CDH12: variants seen among roughly 807,000 people sequenced by gnomAD.
The protein encoded by CDH12 is cadherin-12.
Under a neutral mutation model 74.1 loss-of-function variants are expected in CDH12, and 41 were observed. The ratio of observed to expected loss-of-function variants is 0.55; its 90% CI spans 0.43 to 0.72. The LOEUF (loss-of-function observed/expected upper bound fraction) is 0.72, where lower values mean the gene tolerates loss of function less well. CDH12 is among the 30% of genes least tolerant of loss of function. The pLI is 0.00. For synonymous variants in CDH12, 399 were observed against 355.0 expected, an observed-to-expected ratio of 1.12 and a Z score of -1.39; for missense variants, 945 against 977.2, an observed-to-expected ratio of 0.97 and a Z score of 0.44.
intron 2 of CDH12, among the ~76,000 whole-genome samples, chr5:22,487,360 A>G (rs1016019219): frequency 2.0e-5 from 3 of 152,194 alleles, no homozygotes; most frequent in African/African-American, 7.2e-5. Context: ...ATTAGAGTAT[A>G]TAGTGGACAA....
intron 1 of CDH12, among the ~76,000 whole-genome samples, chr5:22,616,892 T>TC (rs1737717928): frequency 1.3e-5 from 2 of 151,576 alleles, no homozygotes; most frequent in South Asian, 4.2e-4. Flanking sequence ...TACCATGGGG[T>TC]CCCCCTCTGC....
chr5:21,772,682 T>G (rs1360205411), intron 11 of CDH12, among the ~76,000 whole-genome samples: 1 of 152,172 alleles, frequency 6.6e-6, no homozygotes, highest in East Asian at 1.9e-4. Context: ...TGATTCAATA[T>G]GATATAGTAT....
intron 1 of CDH12, among the ~76,000 whole-genome samples, chr5:22,714,272 C>G (rs888089838): frequency 2.0e-5 from 3 of 152,072 alleles, no homozygotes. Flanking sequence ...TGAACTTAAC[C>G]TTTTTTCATA....
At chr5:22,207,195 G>T (rs1230917161) in intron 4 of CDH12, among the ~76,000 whole-genome samples, 2 of 146,354 alleles carry the variant, frequency 1.4e-5, no homozygotes, top group African/African-American at 5.1e-5. Context: ...CTCCAGCCTG[G>T]GCGACAGAGC....
chr5:22,136,749 T>C (rs1746487138), intron 4 of CDH12, among the ~76,000 whole-genome samples: 1 of 150,502 alleles, frequency 6.6e-6, no homozygotes, highest in African/African-American at 2.5e-5. Flanking sequence ...CGACTTTACC[T>C]GAGTATTGTA....
At chr5:22,029,773 A>G (rs1738680085) in intron 5 of CDH12, among the ~76,000 whole-genome samples, 1 of 151,890 alleles carries the variant, frequency 6.6e-6, no homozygotes, top group African/African-American at 2.4e-5. Flanking sequence ...GTATATACCC[A>G]AAGGACTATA....
chr5:22,715,259 T>C (rs1287463956), intron 1 of CDH12, among the ~76,000 whole-genome samples: 1 of 152,232 alleles, frequency 6.6e-6, no homozygotes, highest in East Asian at 1.9e-4. Flanking sequence ...AATTTGACTA[T>C]ATTACCTCAG....
At chr5:22,652,074 A>C (rs1419188506) in intron 1 of CDH12, among the ~76,000 whole-genome samples, 1 of 152,178 alleles carries the variant, frequency 6.6e-6, no homozygotes, top group Non-Finnish European at 1.5e-5. Context: ...GAATTCATAC[A>C]TATAGTAACC....
intron 2 of CDH12, among the ~76,000 whole-genome samples, chr5:22,458,762 G>T (rs2010548): frequency 0.23 from 35,415 of 151,952 alleles, 5,220 homozygotes; most frequent in Admixed American, 0.44. Flanking sequence ...ATCACTAGAG[G>T]TATATTAAAT....
intron 6 of CDH12, among the ~76,000 whole-genome samples, chr5:21,909,412 G>T (rs901513343): frequency 2.0e-5 from 3 of 152,106 alleles, no homozygotes; most frequent in Non-Finnish European, 4.4e-5. Context: ...CAAGAAAACA[G>T]AAAATGATAA....
At chr5:22,573,720 G>A (rs144957897) in intron 1 of CDH12, among the ~76,000 whole-genome samples, 235 of 151,946 alleles carry the variant, frequency 1.5e-3, no homozygotes, top group African/African-American at 5.5e-3. Flanking sequence ...TACAGTTTTC[G>A]TGTTTATTTC....
intron 1 of CDH12, among the ~76,000 whole-genome samples, chr5:22,631,951 C>T (rs1738607251): frequency 6.6e-6 from 1 of 152,072 alleles, no homozygotes; most frequent in African/African-American, 2.4e-5. Flanking sequence ...CACCTCCCAC[C>T]AGGCCCTACC....
intron 3 of CDH12, among the ~76,000 whole-genome samples, chr5:22,357,286 C>A (rs568614233): frequency 1.3e-5 from 2 of 152,096 alleles, no homozygotes; most frequent in South Asian, 2.1e-4. Flanking sequence ...TTTCTGATTT[C>A]TAGTGTTTAC....
At chr5:22,742,759 CAAATAG>C (rs1745090661) in intron 1 of CDH12, among the ~76,000 whole-genome samples, 1 of 149,928 alleles carries the variant, frequency 6.7e-6, no homozygotes, top group Non-Finnish European at 1.5e-5. Context: ...ATATTAATTT[CAAATAG>C]ATATAAACAC....
In CDH12 at chr5:21,752,296, C is replaced by T; in HGVS notation, c.1886-60G>A. The stretch of plus-strand genomic sequence containing the variant: ...AAAGCAGATAGGTCATTTCATCTCT[C>T]CATAAAAATTAAAAATGATTAGGGG... On this transcript the variant is annotated intron_variant, in intron 14 of 14. Transcript: ENST00000382254. 4 of 1,472,582 alleles carry T rather than the reference C, an allele frequency of 2.7e-6. 1 individual carries two copies. The highest frequency in any genetic ancestry group is 4.5e-4 in the Middle Eastern group (2 of 4,424). 91.2% of individuals were successfully genotyped at this position (1,472,582 alleles called of 1,614,324 possible). A position where few individuals can be genotyped will look rare whatever the true frequency, so the allele number is the denominator to read the frequency against.
intron 10 of CDH12, among the ~76,000 whole-genome samples, chr5:21,797,894 T>C (rs775665896): frequency 6.6e-6 from 1 of 152,192 alleles, no homozygotes; most frequent in Non-Finnish European, 1.5e-5. Context: ...ATCATTCTTT[T>C]ATGTCTTCAA....
chr5:22,233,582 A>G (rs1752463234), intron 3 of CDH12, among the ~76,000 whole-genome samples: 2 of 152,314 alleles, frequency 1.3e-5, no homozygotes, highest in Admixed American at 6.5e-5. Flanking sequence ...ATAAAACAAT[A>G]TTAATGTGAG....
intron 2 of CDH12, among the ~76,000 whole-genome samples, chr5:22,448,929 T>G (rs1035491606): frequency 1.3e-5 from 2 of 151,984 alleles, no homozygotes; most frequent in Non-Finnish European, 2.9e-5. Context: ...AGTGCAATTA[T>G]GTTAGTGTCA....
chr5:22,736,920 A>C (rs918932649), intron 1 of CDH12, among the ~76,000 whole-genome samples: 1 of 152,014 alleles, frequency 6.6e-6, no homozygotes, highest in African/African-American at 2.4e-5. Context: ...CATAGTAACC[A>C]GAAGCAATAC....
Sources: allele counts gnomAD v4.1 joint callset (sites outside exome capture counted in the v4.1 genomes callset), GRCh38; gene constraint gnomAD v4.1.1; transcripts MANE v1.5; gene names NCBI Gene and HGNC (gene_info 2026-07-23, HGNC 2026-07-21).